The following ABCB5 variants were observed in gnomAD, a reference collection of about 807,000 sequenced individuals.
ABCB5 encodes ATP binding cassette subfamily B member 5, also known as ATP-binding cassette sub-family B member 5.
A neutral mutation model predicts 144.2 loss-of-function variants in ABCB5; 155 were observed. That is an observed-to-expected ratio of 1.08 (90% CI 0.94 to 1.23). ABCB5 has a LOEUF of 1.23. Ranked by LOEUF, ABCB5 falls within the 50% of genes most tolerant of loss-of-function variation. The pLI, the probability that ABCB5 is intolerant of heterozygous loss-of-function variation, is 0.00. For synonymous variants in ABCB5, 610 were observed against 528.6 expected (o/e 1.15, Z -2.11); for missense variants, 1,830 against 1,520.8 (o/e 1.20, Z -3.38).
chr7:20,693,506 A>G (rs1221223724), intron 16 of ABCB5, among the ~76,000 whole-genome samples: 1 of 152,202 alleles, frequency 6.6e-6, no homozygotes, highest in African/African-American at 2.4e-5. Flanking sequence ...ATAATGCACA[A>G]ATCAAAGGAA....
intron 17 of ABCB5, 106 bp downstream of exon 17, chr7:20,698,656 A>G: frequency 9.2e-7 from 1 of 1,081,804 alleles, no homozygotes; most frequent in Non-Finnish European, 1.3e-6. Flanking sequence ...TGGGACTTTT[A>G]GTGGGCCGCC....
intron 23 of ABCB5, among the ~76,000 whole-genome samples, chr7:20,731,369 A>AAAAAAAAAAAAAAAAAAAATATAT (rs57305244): frequency 8.1e-6 from 1 of 123,104 alleles, no homozygotes; most frequent in African/African-American, 3.3e-5. Flanking sequence ...AAAAAAAAAA[A>AAAAAAAAAAAAAAAAAAAATATAT]ATATATATAT....
chr7:20,711,779 T>A (rs567416267), intron 20 of ABCB5, among the ~76,000 whole-genome samples: 1 of 7,476 alleles, frequency 1.3e-4, no homozygotes, highest in South Asian at 7.5e-3. Context: ...TCCTTCTTTC[T>A]CTTTCTTTCT....
chr7:20,731,480 T>C (rs1782221230), intron 23 of ABCB5, among the ~76,000 whole-genome samples: 1 of 151,890 alleles, frequency 6.6e-6, no homozygotes, highest in South Asian at 2.1e-4. Context: ...ACACTTTCAT[T>C]AGTGTTCTCA....
chr7:20,728,520 G>A, intron 23 of ABCB5, 65 bp downstream of exon 23: 1 of 1,549,846 alleles, frequency 6.5e-7, no homozygotes, highest in Non-Finnish European at 8.8e-7. Flanking sequence ...TTGAGAGGCT[G>A]AGGCGGGTGG....
chr7:20,622,397 T>C (rs1309626789), intron 1 of ABCB5, among the ~76,000 whole-genome samples: 1 of 152,150 alleles, frequency 6.6e-6, no homozygotes, highest in Non-Finnish European at 1.5e-5. Flanking sequence ...AACAGATGGC[T>C]GTATTTGTAT....
chr7:20,714,087 G>GA (rs1781588098), intron 20 of ABCB5, among the ~76,000 whole-genome samples: 1 of 152,120 alleles, frequency 6.6e-6, no homozygotes, highest in African/African-American at 2.4e-5. Flanking sequence ...TCAGTGTCTT[G>GA]AAAACCACTG....
rs374196150 is a variant in ABCB5 at position 20,628,720 on chromosome 7, C to T, written c.141C>T (p.Leu47=). The part of the protein sequence containing the change: ...FRFADGLDIT[L]MILGILASLV... ...TTGCTGATGGACTGGACATCACACT[C>T]ATGATCCTGGGTATACTGGCATCAC... The change falls in exon 4 of 28, where the codon CTC becomes CTT. Residue 47 remains leucine, a synonymous_variant. Coordinates refer to ENST00000404938, the MANE Select transcript of ABCB5 (RefSeq NM_001163941.2). 44 of 1,613,320 alleles carry T rather than the reference C, an allele frequency of 2.7e-5. 1 individual carries two copies. The East Asian group carries it at 4.9e-4, about 18-fold the overall frequency.
chr7:20,638,980 G>C (rs1200066353), intron 5 of ABCB5, among the ~76,000 whole-genome samples: 1 of 152,164 alleles, frequency 6.6e-6, no homozygotes, highest in East Asian at 1.9e-4. Context: ...TCCACCAGCA[G>C]TGTCTGAGGG....
chr7:20,654,657 T>C (rs911607701), intron 13 of ABCB5, among the ~76,000 whole-genome samples: 7 of 152,074 alleles, frequency 4.6e-5, no homozygotes, highest in African/African-American at 1.7e-4. Context: ...GAAAATATGT[T>C]CTCAGACCAT....
intron 14 of ABCB5, chr7:20,659,236 A>G (rs1336528891): frequency 4.5e-6 from 7 of 1,550,718 alleles, no homozygotes; most frequent in South Asian, 1.2e-5. Context: ...CCTGCACCAA[A>G]TTACACTGAA....
chr7:20,704,247 T>C (rs1026075179), intron 19 of ABCB5, among the ~76,000 whole-genome samples: 2 of 151,928 alleles, frequency 1.3e-5, no homozygotes, highest in Middle Eastern at 3.2e-3. Flanking sequence ...CAGCTAATGT[T>C]TGTGTTTTTT....
At chr7:20,731,439 G>A (rs1371395704) in intron 23 of ABCB5, among the ~76,000 whole-genome samples, 1 of 151,020 alleles carries the variant, frequency 6.6e-6, no homozygotes, top group Non-Finnish European at 1.5e-5. Context: ...TGTGTTGGAG[G>A]GCTTTAGAGC....
At chr7:20,750,678 G>T (rs1323259819) in intron 26 of ABCB5, among the ~76,000 whole-genome samples, 1 of 151,768 alleles carries the variant, frequency 6.6e-6, no homozygotes, top group Admixed American at 6.6e-5. Context: ...TTCTTCTAAG[G>T]TTGAAAAAAA....
At chr7:20,677,498 G>A (rs1785654320) in intron 14 of ABCB5, among the ~76,000 whole-genome samples, 1 of 152,156 alleles carries the variant, frequency 6.6e-6, no homozygotes, top group Admixed American at 6.5e-5. Context: ...GCAGGCAGAG[G>A]CAGGTGGATC....
intron 16 of ABCB5, among the ~76,000 whole-genome samples, chr7:20,694,517 G>T (rs1313754957): frequency 6.6e-6 from 1 of 151,976 alleles, no homozygotes; most frequent in Non-Finnish European, 1.5e-5. Context: ...CATACTAAAT[G>T]GTGAAAGACT....
At chr7:20,753,137 G>C (rs1782983379) in intron 26 of ABCB5, among the ~76,000 whole-genome samples, 1 of 152,200 alleles carries the variant, frequency 6.6e-6, no homozygotes, top group African/African-American at 2.4e-5. Flanking sequence ...TAATGGCAGA[G>C]GTCTGCTGTC....
At chr7:20,707,832 G>T (rs1289706005) in intron 20 of ABCB5, among the ~76,000 whole-genome samples, 22 of 121,644 alleles carry the variant, frequency 1.8e-4, no homozygotes, top group African/African-American at 7.2e-4. Context: ...TTGAGACGGG[G>T]TCTCGCTCTC....
chr7:20,667,092 G>A (rs1385613009), intron 14 of ABCB5: 1 of 585,442 alleles, frequency 1.7e-6, no homozygotes, highest in African/African-American at 2.0e-5. Flanking sequence ...GTACATGTAG[G>A]CCCATTTTAT....
Sources: gnomAD v4.1 joint callset for allele counts (sites outside exome capture counted in the v4.1 genomes callset) on GRCh38, gnomAD v4.1.1 for gene constraint, MANE v1.5 for transcripts, NCBI Gene and HGNC (gene_info 2026-07-23, HGNC 2026-07-21) for gene names.